The following CHD3 variants were observed in gnomAD, a reference collection of about 807,000 sequenced individuals.
CHD3 encodes the protein chromodomain helicase DNA binding protein 3.
Under a neutral mutation model 248.9 loss-of-function variants are expected in CHD3, and 52 were observed. The observed-to-expected ratio is 0.21, with a 90% CI of 0.17 to 0.26. The LOEUF (loss-of-function observed/expected upper bound fraction) is 0.26. Among genes scored for constraint, CHD3 ranks in the 10% least tolerant of loss-of-function variants. The probability of loss-of-function intolerance (pLI) is 1.00; values close to 1 mark genes in which losing one functional copy is unlikely to be tolerated. For missense variants in CHD3, 1,482 were observed against 2,605.8 expected, an observed-to-expected ratio of 0.57 and a Z score of 9.39; for synonymous variants, 985 against 985.2, an observed-to-expected ratio of 1.00 and a Z score of 0.00.
In CHD3 at chr17:7,903,946, C is replaced by T. The variant is rs762995492; in HGVS notation, c.3849C>T (p.Leu1283=). The T allele has an allele frequency of 2.5e-6, 4 of 1,614,054 alleles. No individual in the cohort carries two copies. Among genetic ancestry groups the T allele is most frequent in the Non-Finnish European group, 3.4e-6 (4 of 1,180,024 alleles). ...DTDVQNMNEY[L]SSFKVAQYVV... ...ACGTGCAGAACATGAATGAGTATCTCAGCTCCTTCAAGGTGGCACAGTACG... is the reference window on the plus strand; with the variant it reads ...ACGTGCAGAACATGAATGAGTATCTTAGCTCCTTCAAGGTGGCACAGTACG... The change falls in exon 24 of 40, where the codon CTC becomes CTT. Residue 1283 remains leucine, a synonymous_variant. Transcript: ENST00000330494. The surrounding 1 kb of genome is among the most constrained non-coding windows in gnomAD (Gnocchi z 6.8).
At position 7,889,449 on chromosome 17, in the gene CHD3, T is replaced by C. The variant is rs1968501694; in HGVS notation, c.101-215T>C. Among the ~76,000 whole-genome samples, 1 of 152,196 alleles carries C rather than the reference T, an allele frequency of 6.6e-6. No homozygotes were observed. Among genetic ancestry groups the C allele is most frequent in the African/African-American group, 2.4e-5 (1 of 41,450 alleles). ...GGAGGGAGGGGAGTGGTTTGGCTGC[T>C]CTTCTCTTCTGACCCCTGACCTCCC... On this transcript the variant is annotated intron_variant, in intron 1 of 39. Transcript: ENST00000330494. This position sits in a 1 kb window ranked among gnomAD's most constrained non-coding sequence, Gnocchi z 4.5.
At position 7,910,956 on chromosome 17, in the gene CHD3, C is replaced by T; in HGVS notation, c.5864C>T (p.Ala1955Val). The change falls in exon 39 of 40, where the codon GCA becomes GTA. Residue 1955 changes from alanine to valine, a missense_variant. Around this residue, in one of 20 missense-constraint regions of CHD3, gnomAD observed 117 missense variants for 137.2 expected, o/e 0.85. Coordinates refer to ENST00000330494, the MANE Select transcript of CHD3 (RefSeq NM_001005273.3). The surrounding 1 kb of genome is among the most constrained non-coding windows in gnomAD (Gnocchi z 4.7). The stretch of plus-strand genomic sequence containing the variant: ...GGCGCCAATTACAGCCAGATGCCTG[C>T]AGGGTCCTTCATCACAGGTCAGCTG... ...AAGANYSQMP[A>V]GSFITAATNG... 6.2e-7 allele frequency: 1 copy of T among 1,613,182 alleles called. No individual in the cohort carries two copies. Among genetic ancestry groups the T allele is most frequent in the South Asian group, 1.1e-5 (1 of 90,988 alleles).
At chr17:7,886,317 A>T (rs1967940391), upstream of CHD3, among the ~76,000 whole-genome samples, 1 of 152,098 alleles carries the variant, frequency 6.6e-6, no homozygotes, top group South Asian at 2.1e-4. This position sits in a 1 kb window ranked among gnomAD's most constrained non-coding sequence, Gnocchi z 4.2. Context: ...AGTGATTTCT[A>T]GTCTTCTTTG....
rs1597990641 is a variant in CHD3 at position 7,905,783 on chromosome 17, A to G, written c.4225-73A>G. On this transcript the variant is annotated intron_variant, in intron 27 of 39. Coordinates refer to ENST00000330494, the MANE Select transcript of CHD3 (RefSeq NM_001005273.3). The surrounding 1 kb of genome is among the most constrained non-coding windows in gnomAD (Gnocchi z 5.8). ...GAGGTTGGAAGTTGGTGCCTGGATC[A>G]CTGAAGGTAGAAAGGACAAGACCTA... is the stretch of plus-strand genomic sequence containing the variant. The G allele has an allele frequency of 1.2e-6, 2 of 1,613,790 alleles. No individual in the cohort carries two copies. Among genetic ancestry groups the G allele is most frequent in the East Asian group, 4.5e-5 (2 of 44,882 alleles).
intron 20 of CHD3, among the ~76,000 whole-genome samples, chr17:7,902,168 C>T (rs544711885): frequency 1.3e-5 from 2 of 152,248 alleles, no homozygotes; most frequent in South Asian, 4.1e-4. Flanking sequence ...CACCTGTAAT[C>T]CCAGCACTTT....
Position 7,899,817 on chromosome 17 carries a change from A to T in CHD3, c.2545-79A>T. ...ATGGCTCCTGTTGGGAGCCACAGTC[A>T]GGACAAGGTGTCTGGTTCTGGAGGT... On this transcript the variant is annotated intron_variant, in intron 15 of 39. Transcript: ENST00000330494. This position sits in a 1 kb window ranked among gnomAD's most constrained non-coding sequence, Gnocchi z 6.8. The T allele has an allele frequency of 1.9e-6, 3 of 1,541,736 alleles. No homozygotes were observed. The highest frequency in any genetic ancestry group is 2.4e-4 in the Middle Eastern group (1 of 4,232).
In CHD3 at chr17:7,906,953, A is replaced by G; in HGVS notation, c.4588A>G (p.Arg1530Gly). The G allele has an allele frequency of 6.2e-7, 1 of 1,614,124 alleles. No homozygotes were observed. The highest frequency in any genetic ancestry group is 8.5e-7 in the Non-Finnish European group (1 of 1,180,008). The change falls in exon 30 of 40, where the codon AGA becomes GGA. Residue 1530 changes from arginine to glycine, a missense_variant. Arg to Gly is a moderately radical substitution (Grantham distance 125, BLOSUM62 -2). Transcript: ENST00000330494. The surrounding 1 kb of genome is among the most constrained non-coding windows in gnomAD (Gnocchi z 5.0). ...DPSADSKRSS[R>G]ASSPTKTSPT... Reference sequence around the variant, plus strand: ...CAGCGCCGATTCTAAGCGCTCCTCCAGAGCCTCCTCTCCTACCAAAACGTC... The same window carrying G: ...CAGCGCCGATTCTAAGCGCTCCTCCGGAGCCTCCTCTCCTACCAAAACGTC...
chr17:7,889,012 A>G lies in CHD3; in HGVS notation c.12A>G (p.Ala4=). The G allele has an allele frequency of 6.2e-7, 1 of 1,614,256 alleles. No individual in the cohort carries two copies. The highest frequency in any genetic ancestry group is 8.5e-7 in the Non-Finnish European group (1 of 1,180,036). The change falls in exon 1 of 40, where the codon GCA becomes GCG. Residue 4 remains alanine (A), a synonymous_variant. Coordinates refer to ENST00000330494, the MANE Select transcript of CHD3 (RefSeq NM_001005273.3). This position sits in a 1 kb window ranked among gnomAD's most constrained non-coding sequence, Gnocchi z 4.5. The part of the protein sequence containing the change: MKA[A]DTVILWARSK... ...CTTTCTCCTGTGTGATGAAGGCGGC[A>G]GACACTGTGATCCTGTGGGCAAGAA...
rs1969334316 is a variant in CHD3 at position 7,894,264 on chromosome 17, G to A, written c.1074G>A (p.Lys358=). ...KRGRPGRKKK[K]VLGCPAVAGE... ...GCCGGCCAGGAAGGAAGAAGAAGAAGGGTAAGGAGTGTTGACTGTGTGTGA... is the reference window on the plus strand; with the variant it reads ...GCCGGCCAGGAAGGAAGAAGAAGAAAGGTAAGGAGTGTTGACTGTGTGTGA... The change falls in exon 7 of 40, where the codon AAG becomes AAA. Residue 358 remains lysine (K), a splice_region_variant and synonymous_variant. Coordinates refer to ENST00000330494, the MANE Select transcript of CHD3 (RefSeq NM_001005273.3). 6.2e-7 allele frequency: 1 copy of A among 1,613,592 alleles called. No homozygotes were observed. Among genetic ancestry groups the A allele is most frequent in the Non-Finnish European group, 8.5e-7 (1 of 1,179,762 alleles).
upstream of CHD3, chr17:7,885,036 C>T: frequency 8.9e-7 from 1 of 1,121,896 alleles, no homozygotes; most frequent in Admixed American, 4.9e-5. Flanking sequence ...CCGCCGCCGC[C>T]GCCGCCGCCG....
Position 7,910,735 on chromosome 17 carries a change from G to A in CHD3, c.5755-112G>A. 6.6e-7 allele frequency: 1 copy of A among 1,512,876 alleles called. No individual in the cohort carries two copies. Among genetic ancestry groups the A allele is most frequent in the Non-Finnish European group, 8.9e-7 (1 of 1,123,470 alleles). 93.7% of individuals were successfully genotyped at this position (1,512,876 alleles called of 1,614,324 possible). A position where few individuals can be genotyped will look rare whatever the true frequency, so the allele number is the denominator to read the frequency against. On this transcript the variant is annotated intron_variant, in intron 38 of 39. Coordinates refer to ENST00000330494, the MANE Select transcript of CHD3 (RefSeq NM_001005273.3). This position sits in a 1 kb window ranked among gnomAD's most constrained non-coding sequence, Gnocchi z 4.7. ...CACCCTTGAGTGAGTCTCCCTGCCT[G>A]TGTATCCTACCCTTAGCAGTTGTGG...
chr17:7,901,728 C>T (rs1437948056), intron 20 of CHD3, among the ~76,000 whole-genome samples: 1 of 151,984 alleles, frequency 6.6e-6, no homozygotes, highest in African/African-American at 2.4e-5. Context: ...TCAGGATGGT[C>T]TCCATCACCT....
Position 7,895,752 on chromosome 17 carries a change from A to G in CHD3, c.1707+210A>G, listed in dbSNP as rs1451504064. On this transcript the variant is annotated intron_variant, in intron 10 of 39. Coordinates refer to ENST00000330494, the MANE Select transcript of CHD3 (RefSeq NM_001005273.3). This position sits in a 1 kb window ranked among gnomAD's most constrained non-coding sequence, Gnocchi z 4.9. ...CAGTCTCCGTTAGCTTCCTTCCCTC[A>G]GATATAGCATAGCCTTTCCTAACTT... Among the ~76,000 whole-genome samples the G allele has an allele frequency of 3.3e-5, 5 of 152,020 alleles. No individual in the cohort carries two copies. The highest frequency in any genetic ancestry group is 7.4e-5 in the Non-Finnish European group (5 of 68,012).
rs774228810 is a variant in CHD3 at position 7,897,186 on chromosome 17, G to A, written c.1811G>A (p.Ser604Asn). 1.2e-5 allele frequency: 19 copies of A among 1,614,112 alleles called. No individual in the cohort carries two copies. The Admixed American group carries it at 2.8e-4, about 24-fold the overall frequency. The change falls in exon 11 of 40, where the codon AGC becomes AAC. Residue 604 changes from serine to asparagine, a missense_variant. Ser to Asn is a conservative substitution (Grantham distance 46). Around this residue, in one of 20 missense-constraint regions of CHD3, gnomAD observed 127 missense variants for 188.3 expected, o/e 0.67. Transcript: ENST00000330494. The surrounding 1 kb of genome is among the most constrained non-coding windows in gnomAD (Gnocchi z 4.8). ...DYGSGEDDGK[S>N]DKRKVKDPHY... Reference sequence around the variant, plus strand: ...GGCTCCGGCGAGGATGATGGGAAGAGCGACAAGCGTAAAGTGAAAGACCCG... The same window carrying A: ...GGCTCCGGCGAGGATGATGGGAAGAACGACAAGCGTAAAGTGAAAGACCCG...
intron 5 of CHD3, 53 bp from the exon 6 acceptor site, chr17:7,893,752 C>G (rs1404318388): frequency 1.1e-5 from 17 of 1,592,630 alleles, no homozygotes; most frequent in Non-Finnish European, 1.4e-5. Flanking sequence ...TCCATAATTC[C>G]AGGATGTCAT....
At chr17:7,885,473 G>A (rs1597896645), upstream of CHD3, among the ~76,000 whole-genome samples, 1 of 151,588 alleles carries the variant, frequency 6.6e-6, no homozygotes, top group East Asian at 2.0e-4. Flanking sequence ...GCAGGAAACG[G>A]CCAAGGCGAA....
chr17:7,896,542 A>G (rs1969687816), intron 10 of CHD3, among the ~76,000 whole-genome samples: 1 of 151,162 alleles, frequency 6.6e-6, no homozygotes, highest in Non-Finnish European at 1.5e-5. Context: ...AGTAGCTGGG[A>G]TTACAGGCAT....
Position 7,910,889 on chromosome 17 carries a change from G to T in CHD3, c.5797G>T (p.Ala1933Ser). ...GPYATPPGYG[A>S]AFSAAPVGAL... ...CTACGCTACACCTCCGGGGTACGGGGCGGCCTTCAGCGCCGCACCCGTAGG... is the reference window on the plus strand; with the variant it reads ...CTACGCTACACCTCCGGGGTACGGGTCGGCCTTCAGCGCCGCACCCGTAGG... The change falls in exon 39 of 40, where the codon GCG (alanine) becomes TCG (serine). Residue 1933 changes from alanine to serine, a missense_variant. Transcript: ENST00000330494. This position sits in a 1 kb window ranked among gnomAD's most constrained non-coding sequence, Gnocchi z 4.7. The T allele has an allele frequency of 6.2e-7, 1 of 1,613,034 alleles. No individual in the cohort carries two copies. Among genetic ancestry groups the T allele is most frequent in the South Asian group, 1.1e-5 (1 of 91,010 alleles).
upstream of CHD3, chr17:7,885,307 C>CGCGCCGCCG: frequency 6.4e-6 from 1 of 157,276 alleles, no homozygotes; most frequent in East Asian, 2.4e-4. Context: ...GCACCCCTCC[C>CGCGCCGCCG]CCGCCGCCGC....
Sources: allele counts gnomAD v4.1 joint callset (sites outside exome capture counted in the v4.1 genomes callset), GRCh38; gene constraint gnomAD v4.1.1; regional missense constraint gnomAD v4.1.1; non-coding constraint Gnocchi (gnomAD v3.1); transcripts MANE v1.5; gene names NCBI Gene and HGNC (gene_info 2026-07-23, HGNC 2026-07-21).